The following CD8B variants were observed in gnomAD, a reference collection of about 807,000 sequenced individuals.
The protein encoded by CD8B is CD8 subunit beta.
Under a neutral mutation model 24.2 loss-of-function variants are expected in CD8B, and 6 were observed. The ratio of observed to expected loss-of-function variants is 0.25; its 90% confidence interval spans 0.14 to 0.49. CD8B has a LOEUF of 0.49. CD8B is among the 20% of genes least tolerant of loss of function. CD8B has a pLI of 0.98. For missense variants in CD8B, 196 were observed against 271.3 expected, an observed-to-expected ratio of 0.72 and a Z score of 1.95; for synonymous variants, 84 against 108.3, an observed-to-expected ratio of 0.78 and a Z score of 1.39.
chr2:86,852,369 G>GGAC (rs1161631918), intron 3 of CD8B, among the ~76,000 whole-genome samples: 6 of 152,256 alleles, frequency 3.9e-5, no homozygotes, highest in Non-Finnish European at 8.8e-5. Flanking sequence ...TGTTTAAAGT[G>GGAC]TACAATGTCA....
In CD8B at chr2:86,858,259, G is replaced by T; in HGVS notation, c.201C>A (p.His67Gln). 1.9e-6 allele frequency: 3 copies of T among 1,614,028 alleles called. No individual in the cohort carries two copies. In the South Asian group the frequency reaches 3.3e-5, roughly 18 times the overall value. The change falls in exon 2 of 6, where the codon CAC becomes CAA. Residue 67 changes from histidine (H) to glutamine (Q), a missense_variant. His to Gln is a conservative substitution (Grantham distance 24). Transcript: ENST00000390655. ...QRQAPSSDSH[H>Q]EFLALWDSAK... ...CGGAATCCCAGAGGGCCAGGAACTC[G>T]TGGTGACTGTCACTGCTCGGTGCCT... is the stretch of plus-strand genomic sequence containing the variant.
downstream of CD8B, among the ~76,000 whole-genome samples, chr2:86,837,223 G>A (rs1415966416): frequency 6.6e-6 from 1 of 152,164 alleles, no homozygotes; most frequent in Non-Finnish European, 1.5e-5. Flanking sequence ...TCTAAGCAAA[G>A]CTCTTAAAAG....
chr2:86,855,505 A>G (rs1337451534), intron 2 of CD8B, among the ~76,000 whole-genome samples: 1 of 152,232 alleles, frequency 6.6e-6, no homozygotes, highest in African/African-American at 2.4e-5. Flanking sequence ...TATCTGCACC[A>G]AAAGACCTTG....
rs60980294 is a variant in CD8B, at chr2:86,846,927, A to ATTTT, written c.494-158_494-155dup. Among the ~76,000 whole-genome samples, 185 of 58,876 alleles carry ATTTT rather than the reference A, an allele frequency of 3.1e-3. 5 individuals are homozygous for ATTTT. The highest frequency in any genetic ancestry group is 4.2e-3 in the Non-Finnish European group (131 of 31,416). The allele number at this position is 58,876 out of a possible 152,430, so 38.6% of individuals were successfully genotyped here. ...CGATGTAATGTATTTTTCCTCAAGT[A>ATTTT]TTTTTTTTTTTTTTTTTTTTTTTTT... On this transcript the variant is annotated intron_variant, in intron 3 of 5. Coordinates refer to ENST00000390655, the MANE Select transcript of CD8B (RefSeq NM_004931.5).
chr2:86,830,433 A>G (rs1436767021), intron 5 of CD8B, among the ~76,000 whole-genome samples: 2 of 151,988 alleles, frequency 1.3e-5, no homozygotes, highest in African/African-American at 4.8e-5. Context: ...CAGGTGTGGT[A>G]GCATATGCCT....
chr2:86,815,415 A>C, downstream of CD8B: 1 of 588,804 alleles, frequency 1.7e-6, no homozygotes, highest in Non-Finnish European at 3.0e-6. Flanking sequence ...ATTTGGTTCC[A>C]CAAGGGGGAC....
chr2:86,843,071 C>G (rs912396251), intron 5 of CD8B, among the ~76,000 whole-genome samples: 3 of 152,082 alleles, frequency 2.0e-5, no homozygotes, highest in African/African-American at 7.2e-5. Context: ...GAAAGGTCAT[C>G]ATGGGAGACA....
downstream of CD8B, among the ~76,000 whole-genome samples, chr2:86,834,686 C>G (rs1394229820): frequency 6.6e-6 from 1 of 152,164 alleles, no homozygotes; most frequent in Non-Finnish European, 1.5e-5. Context: ...CCTGAAATCT[C>G]AGCACTTTGG....
chr2:86,852,584 T>A lies in CD8B; in HGVS notation c.493+413A>T, dbSNP rs375759857. ...GATATTCCATAATCATGGAATCATA[T>A]AGTATATGGATTTTTGTGACTGGCT... On this transcript the variant is annotated intron_variant, in intron 3 of 5. Transcript: ENST00000390655. 1.9e-4 allele frequency among the ~76,000 whole-genome samples: 29 copies of A among 152,028 alleles called. 4 individuals are homozygous for A. The highest frequency in any genetic ancestry group is 1.6e-3 in the East Asian group (8 of 5,154).
At chr2:86,825,870 G>A (rs1269858670) in intron 5 of CD8B, among the ~76,000 whole-genome samples, 1 of 152,144 alleles carries the variant, frequency 6.6e-6, no homozygotes, top group Non-Finnish European at 1.5e-5. Context: ...GTAACAGGCT[G>A]CATGCTCAAC....
chr2:86,823,360 G>A (rs1397294531), intron 5 of CD8B, among the ~76,000 whole-genome samples: 2 of 152,106 alleles, frequency 1.3e-5, no homozygotes, highest in African/African-American at 4.8e-5. Flanking sequence ...GCTCACTGTA[G>A]CCTTCACCTC....
chr2:86,857,760 C>G (rs1173033763), intron 2 of CD8B, among the ~76,000 whole-genome samples: 9 of 152,234 alleles, frequency 5.9e-5, no homozygotes, highest in South Asian at 4.2e-4. Context: ...AAGAGAAGCA[C>G]AATGCTCATC....
At chr2:86,835,577 C>G (rs1675145290), downstream of CD8B, among the ~76,000 whole-genome samples, 1 of 151,630 alleles carries the variant, frequency 6.6e-6, no homozygotes, top group Admixed American at 6.6e-5. Context: ...CTTGCCCAGA[C>G]AGCAGGCCTA....
chr2:86,847,550 T>A (rs938864314), intron 3 of CD8B, among the ~76,000 whole-genome samples: 19 of 151,844 alleles, frequency 1.3e-4, no homozygotes, highest in African/African-American at 4.1e-4. Flanking sequence ...TTTGTTCGTT[T>A]GTTTGTTTGT....
chr2:86,826,107 C>G (rs997515207), intron 5 of CD8B, among the ~76,000 whole-genome samples: 2 of 151,966 alleles, frequency 1.3e-5, no homozygotes, highest in East Asian at 3.9e-4. Flanking sequence ...ATTGATGTAC[C>G]CTTCAAAGCC....
rs531950693 is a variant in CD8B, at chr2:86,857,145, T to C, written c.403+912A>G. On this transcript the variant is annotated intron_variant, in intron 2 of 5. Coordinates refer to ENST00000390655, the MANE Select transcript of CD8B (RefSeq NM_004931.5). Reference sequence around the variant, plus strand: ...ACACTGAGGCCCAGGGGAGAAAGCATGGCAAGTTTGCAAGCAGAGCTGGGC... The same window carrying C: ...ACACTGAGGCCCAGGGGAGAAAGCACGGCAAGTTTGCAAGCAGAGCTGGGC... 2.4e-3 allele frequency among the ~76,000 whole-genome samples: 371 copies of C among 152,018 alleles called. 1 individual carries two copies. The Middle Eastern group carries it at 0.031, about 13-fold the overall frequency.
intron 2 of CD8B, 103 bp from the exon 3 acceptor site, chr2:86,853,189 T>C: frequency 1.3e-6 from 2 of 1,530,344 alleles, no homozygotes; most frequent in South Asian, 2.4e-5. Context: ...ATGCCTGGAA[T>C]CCCAACACTT....
At chr2:86,850,822 G>T (rs1484389494) in intron 3 of CD8B, among the ~76,000 whole-genome samples, 1 of 152,172 alleles carries the variant, frequency 6.6e-6, no homozygotes, top group Non-Finnish European at 1.5e-5. Flanking sequence ...CAGGCGTAGT[G>T]GCTCACGCCT....
intron 3 of CD8B, among the ~76,000 whole-genome samples, chr2:86,848,701 A>ATTAATTAATTATTTATTTATTTAATTTAT (rs58311096): frequency 9.5e-4 from 56 of 58,876 alleles, no homozygotes; most frequent in East Asian, 2.0e-3. Context: ...GTATTTTTAA[A>ATTAATTAATTATTTATTTATTTAATTTAT]TTATTTATTT....
Sources: gnomAD v4.1 joint callset for allele counts (sites outside exome capture counted in the v4.1 genomes callset) on GRCh38, gnomAD v4.1.1 for gene constraint, MANE v1.5 for transcripts, NCBI Gene and HGNC (gene_info 2026-07-23, HGNC 2026-07-21) for gene names.